The following INCENP variants were observed in gnomAD, a reference collection of about 807,000 sequenced individuals.
INCENP encodes the protein binds and activates aurora-B and -C in vivo and in vitro.
In INCENP, 43 loss-of-function variants were observed where a neutral mutation model predicts 107.3. The observed-to-expected ratio is 0.40, with a 90% CI of 0.31 to 0.52. The LOEUF (loss-of-function observed/expected upper bound fraction) is 0.52. Among genes scored for constraint, INCENP ranks in the 20% least tolerant of loss-of-function variants. The pLI is 0.53. For synonymous variants in INCENP, 488 were observed against 494.4 expected (o/e 0.99, Z 0.17); for missense variants, 1,089 against 1,250.9 (o/e 0.87, Z 1.95).
chr11:62,129,680 C>G, intron 3 of INCENP, 102 bp from the exon 4 acceptor site: 1 of 975,866 alleles, frequency 1.0e-6, no homozygotes, highest in East Asian at 2.6e-5. Flanking sequence ...TTTGCCTTCA[C>G]CTTCTCTTAT....
intron 1 of INCENP, among the ~76,000 whole-genome samples, chr11:62,126,074 G>A (rs1943741797): frequency 6.6e-6 from 1 of 152,212 alleles, no homozygotes; most frequent in African/African-American, 2.4e-5. Context: ...CTTGAATCAA[G>A]CCTGAGGAAG....
chr11:62,143,584 G>A (rs1944171038), intron 11 of INCENP, among the ~76,000 whole-genome samples: 1 of 152,202 alleles, frequency 6.6e-6, no homozygotes. Flanking sequence ...TTCAGTGGGA[G>A]AGAGAGGTGG....
chr11:62,148,534 C>G lies in INCENP; in HGVS notation c.2263C>G (p.Leu755Val), dbSNP rs1944305256. 1.2e-6 allele frequency: 2 copies of G among 1,607,672 alleles called. No individual in the cohort carries two copies. Among genetic ancestry groups the G allele is most frequent in the Non-Finnish European group, 1.7e-6 (2 of 1,178,050 alleles). Residue 755 changes from leucine (L) to valine (V), a missense_variant, in exon 16 of 19, where the codon CTG becomes GTG. Transcript: ENST00000394818. The part of the protein sequence containing the change: ...RLQKEQLQRE[L>V]EEKKKKEEQQ... ...GCAGAAGGAGCAGCTGCAGAGGGAA[C>G]TGGAGGAGAAGAAGAAGAAGGTGAG...
chr11:62,152,282 C>T lies in INCENP; in HGVS notation c.*306C>T. 2.4e-6 allele frequency: 1 copy of T among 416,004 alleles called. No homozygotes were observed. The highest frequency in any genetic ancestry group is 4.2e-5 in the Admixed American group (1 of 23,900). 25.8% of individuals were successfully genotyped at this position (416,004 alleles called of 1,614,324 possible). On this transcript the variant is annotated 3_prime_UTR_variant, in exon 19 of 19. Coordinates refer to ENST00000394818, the MANE Select transcript of INCENP (RefSeq NM_001040694.2). ...TGAATGTTAGCATTTTAGTCTTTGG[C>T]ATTTTAGCGTTTGGGAGGTAGATTA...
At chr11:62,129,212 G>T (rs1943824753) in intron 3 of INCENP, among the ~76,000 whole-genome samples, 1 of 152,196 alleles carries the variant, frequency 6.6e-6, no homozygotes. Context: ...GACCAGGGGT[G>T]TAGACCACGT....
intron 6 of INCENP, 35 bp from the exon 7 acceptor site, chr11:62,138,853 G>A (rs201093303): frequency 1.7e-5 from 28 of 1,605,738 alleles, no homozygotes; most frequent in Middle Eastern, 3.3e-4. Context: ...TTGGGTTCCA[G>A]GTCAAGACCC....
Position 62,151,915 on chromosome 11 carries a change from C to T in INCENP, c.2696C>T (p.Ser899Leu). The T allele has an allele frequency of 6.2e-7, 1 of 1,613,824 alleles. No individual in the cohort carries two copies. The highest frequency in any genetic ancestry group is 2.2e-5 in the East Asian group (1 of 44,886). The change falls in exon 19 of 19, where the codon TCA becomes TTA. Residue 899 changes from serine to leucine, a missense_variant. Physicochemically the swap from Ser to Leu is moderately radical, Grantham distance 145. Coordinates refer to ENST00000394818, the MANE Select transcript of INCENP (RefSeq NM_001040694.2). ...HKRTSSAVWN[S>L]PPLQGARVPS... ...CGCACCAGCTCTGCTGTCTGGAACT[C>T]ACCGCCCCTGCAGGGCGCCAGGGTC...
At chr11:62,145,871 A>C in intron 14 of INCENP, 120 bp downstream of exon 14, 1 of 1,287,172 alleles carries the variant, frequency 7.8e-7, no homozygotes. Flanking sequence ...TTGTTGCTTC[A>C]TGCTAAGAAG....
rs148890929 is a variant in INCENP, at chr11:62,151,928, G to A, written c.2709G>A (p.Gln903=). 137 of 1,613,228 alleles carry A rather than the reference G, an allele frequency of 8.5e-5. No homozygotes were observed. The African/African-American group carries it at 1.7e-3, about 21-fold the overall frequency. The change falls in exon 19 of 19, where the codon CAG becomes CAA. Residue 903 remains glutamine (Q), a synonymous_variant. Transcript: ENST00000394818. ...CTGTCTGGAACTCACCGCCCCTGCA[G>A]GGCGCCAGGGTCCCCAGCAGCCTGG... ...SSAVWNSPPL[Q]GARVPSSLAY...
At chr11:62,143,456 A>C (rs748889940) in intron 11 of INCENP, among the ~76,000 whole-genome samples, 2 of 152,052 alleles carry the variant, frequency 1.3e-5, no homozygotes, top group African/African-American at 2.4e-5. Context: ...TGGAGAACTC[A>C]CTGCTGGTTG....
chr11:62,148,506 G>T lies in INCENP; in HGVS notation c.2235G>T (p.Arg745=). The change falls in exon 16 of 19, where the codon CGG becomes CGT. Residue 745 remains arginine (R), a synonymous_variant. Transcript: ENST00000394818. ...TGCAGGAGCGGGAGAAGGCCCTGCG[G>T]CTGCAGAAGGAGCAGCTGCAGAGGG... is the stretch of plus-strand genomic sequence containing the variant. ...RELQEREKAL[R]LQKEQLQREL... is the part of the protein sequence containing the mutation. 1.9e-6 allele frequency: 3 copies of T among 1,608,116 alleles called. No individual in the cohort carries two copies. Among genetic ancestry groups the T allele is most frequent in the South Asian group, 1.1e-5 (1 of 89,312 alleles).
Position 62,141,144 on chromosome 11 carries a change from C to A in INCENP, c.1593+100C>A, listed in dbSNP as rs981874014. On this transcript the variant is annotated intron_variant, in intron 10 of 18. Coordinates refer to ENST00000394818, the MANE Select transcript of INCENP (RefSeq NM_001040694.2). ...ATACTGGGAGTAGTGTGAGCCTGGGCGGAGGCAAGTGTGGCCTGGCACTGT... is the reference window on the plus strand; with the variant it reads ...ATACTGGGAGTAGTGTGAGCCTGGGAGGAGGCAAGTGTGGCCTGGCACTGT... 13 of 1,474,392 alleles carry A rather than the reference C, an allele frequency of 8.8e-6. No individual in the cohort carries two copies. In the African/African-American group the frequency reaches 1.7e-4, roughly 19 times the overall value. 91.3% of individuals were successfully genotyped at this position (1,474,392 alleles called of 1,614,324 possible).
intron 7 of INCENP, among the ~76,000 whole-genome samples, chr11:62,139,624 C>G (rs1334998698): frequency 6.6e-6 from 1 of 152,214 alleles, no homozygotes; most frequent in Admixed American, 6.5e-5. Flanking sequence ...GAGTAAGGTG[C>G]ACCTTCTCCT....
Position 62,137,913 on chromosome 11 carries a change from G to A in INCENP, c.1115+30G>A, listed in dbSNP as rs1208680873. ...GTTCAGTTCCAGGGCTTCGGAGGTA[G>A]GCAGGGCATACCAGGACAGGGAGCC... On this transcript the variant is annotated intron_variant, in intron 5 of 18. Coordinates refer to ENST00000394818, the MANE Select transcript of INCENP (RefSeq NM_001040694.2). 2.5e-6 allele frequency: 4 copies of A among 1,594,984 alleles called. No homozygotes were observed. In the Admixed American group the frequency reaches 6.7e-5, roughly 27 times the overall value.
At position 62,129,790 on chromosome 11, in the gene INCENP, G is replaced by GTTT; in HGVS notation, c.263_264insTTT (p.Arg88_Arg89insPhe). 1 of 1,603,692 alleles carries GTTT rather than the reference G, an allele frequency of 6.2e-7. No homozygotes were observed. Among genetic ancestry groups the GTTT allele is most frequent in the Non-Finnish European group, 8.5e-7 (1 of 1,177,142 alleles). On this transcript the variant is annotated inframe_insertion, in exon 4 of 19. Transcript: ENST00000394818. Reference sequence around the variant, plus strand: ...CCTGCTGCCCCTGCCAGGTTATCCCGCAGAAAGTCTCGGAGCAGCCAGCTG... The same window carrying GTTT: ...CCTGCTGCCCCTGCCAGGTTATCCCGTTTCAGAAAGTCTCGGAGCAGCCAGCTG...
At position 62,141,049 on chromosome 11, in the gene INCENP, G is replaced by A. The variant is rs763312756; in HGVS notation, c.1593+5G>A. 1.2e-6 allele frequency: 2 copies of A among 1,612,332 alleles called. No individual in the cohort carries two copies. The highest frequency in any genetic ancestry group is 2.2e-5 in the East Asian group (1 of 44,828). ...CCCCTGCGCATGGACCCCAAGGTGA[G>A]GGGCCTGTGCCCAGGCCGGGCTTTG... is the stretch of plus-strand genomic sequence containing the variant. On this transcript the variant is annotated splice_donor_5th_base_variant and intron_variant, in intron 10 of 18. Transcript: ENST00000394818.
intron 3 of INCENP, among the ~76,000 whole-genome samples, chr11:62,129,286 CAG>C (rs779803832): frequency 1.3e-4 from 20 of 152,176 alleles, no homozygotes; most frequent in Non-Finnish European, 2.6e-4. Flanking sequence ...ATTGGGGCTG[CAG>C]AGTGCTAGGG....
Position 62,130,489 on chromosome 11 carries a change from A to G in INCENP, c.962A>G (p.Lys321Arg), listed in dbSNP as rs1361568325. 4.3e-6 allele frequency: 7 copies of G among 1,613,968 alleles called. No homozygotes were observed. The highest frequency in any genetic ancestry group is 5.9e-6 in the Non-Finnish European group (7 of 1,180,020). Residue 321 changes from lysine (K) to arginine (R), a missense_variant, in exon 4 of 19, where the codon AAG becomes AGG. Coordinates refer to ENST00000394818, the MANE Select transcript of INCENP (RefSeq NM_001040694.2). ...CCGAGTCCCCAAGTCTTAGCCCAGA[A>G]GTACTCTCTGGTGGCCAAACAGGAA... Reference protein sequence around the residue: ...SSPSPQVLAQKYSLVAKQESV... With the variant: ...SSPSPQVLAQRYSLVAKQESV...
At chr11:62,128,118 C>T in intron 1 of INCENP, 33 bp from the exon 2 acceptor site, 3 of 1,612,538 alleles carry the variant, frequency 1.9e-6, no homozygotes, top group Non-Finnish European at 2.5e-6. Flanking sequence ...CCCTGGGCCC[C>T]TAACTTGTGC....
Sources: allele counts gnomAD v4.1 joint callset (sites outside exome capture counted in the v4.1 genomes callset), GRCh38; gene constraint gnomAD v4.1.1; transcripts MANE v1.5; gene names NCBI Gene and HGNC (gene_info 2026-07-23, HGNC 2026-07-21).